PDS5B: variants seen among roughly 807,000 people sequenced by gnomAD.
The protein encoded by PDS5B is PDS5 cohesin associated factor B.
A neutral mutation model predicts 184.1 loss-of-function variants in PDS5B; 51 were observed. The ratio of observed to expected loss-of-function variants is 0.28; its 90% confidence interval spans 0.22 to 0.35. The LOEUF is 0.35. Ranked by LOEUF, PDS5B falls within the 10% of genes least tolerant of loss-of-function variation. The probability of loss-of-function intolerance (pLI) is 1.00; values close to 1 mark genes in which losing one functional copy is unlikely to be tolerated. For synonymous variants in PDS5B, 566 were observed against 569.2 expected (o/e 0.99, Z 0.08); for missense variants, 1,180 against 1,723.3 (o/e 0.68, Z 5.58).
intron 19 of PDS5B, among the ~76,000 whole-genome samples, chr13:32,713,085 T>G (rs1469642486): frequency 6.6e-6 from 1 of 152,152 alleles, no homozygotes; most frequent in East Asian, 1.9e-4. Context: ...ATAGCTCAAG[T>G]GACTGGTTCT....
At chr13:32,674,287 T>C (rs899576373) in intron 8 of PDS5B, among the ~76,000 whole-genome samples, 5 of 152,342 alleles carry the variant, frequency 3.3e-5, no homozygotes, top group Non-Finnish European at 5.9e-5. Context: ...ATGATGTTTG[T>C]GTCTAAAATT....
intron 19 of PDS5B, among the ~76,000 whole-genome samples, chr13:32,730,265 A>G (rs994474356): frequency 6.6e-6 from 1 of 151,798 alleles, no homozygotes; most frequent in Non-Finnish European, 1.5e-5. Flanking sequence ...TAGATGTGTA[A>G]TGTTATTTCT....
chr13:32,659,591 C>A (rs1205904830), intron 6 of PDS5B, among the ~76,000 whole-genome samples: 1 of 151,962 alleles, frequency 6.6e-6, no homozygotes, highest in African/African-American at 2.4e-5. Flanking sequence ...GAAGATGGAA[C>A]CAAGTAGGGC....
chr13:32,646,723 A>AT (rs890672970), intron 1 of PDS5B, among the ~76,000 whole-genome samples: 1 of 152,036 alleles, frequency 6.6e-6, no homozygotes, highest in African/African-American at 2.4e-5. Context: ...TTTTAACCTG[A>AT]TTGTGTATAT....
chr13:32,760,963 C>T (rs1954374597), intron 30 of PDS5B, among the ~76,000 whole-genome samples: 1 of 152,100 alleles, frequency 6.6e-6, no homozygotes, highest in Non-Finnish European at 1.5e-5. Flanking sequence ...TACACATAAA[C>T]TAGTTTCCAA....
At chr13:32,633,082 A>C (rs924248612) in intron 1 of PDS5B, among the ~76,000 whole-genome samples, 5 of 152,238 alleles carry the variant, frequency 3.3e-5, no homozygotes, top group African/African-American at 1.2e-4. Flanking sequence ...AAATACTGTG[A>C]TTCTACTTAC....
At chr13:32,737,233 A>G (rs1280926675) in intron 21 of PDS5B, among the ~76,000 whole-genome samples, 5 of 152,120 alleles carry the variant, frequency 3.3e-5, no homozygotes, top group Non-Finnish European at 7.4e-5. Flanking sequence ...TCAGGCAGTT[A>G]AGCTATCGTC....
In PDS5B at chr13:32,687,094, A is replaced by C. The variant is rs1188066158; in HGVS notation, c.1204-40A>C. ...AGACTTTCCTTAATTTATATAATGG[A>C]AGCCTTTTTACATTATAAATAAAAC... On this transcript the variant is annotated intron_variant, in intron 11 of 34. Coordinates refer to ENST00000315596, the MANE Select transcript of PDS5B (RefSeq NM_015032.4). The C allele has an allele frequency of 4.7e-6, 7 of 1,496,626 alleles. No homozygotes were observed. In the East Asian group the frequency reaches 1.4e-4, roughly 30 times the overall value. The allele number at this position is 1,496,626 out of a possible 1,614,324, so 92.7% of individuals were successfully genotyped here.
chr13:32,726,980 T>G (rs2140939741), intron 19 of PDS5B, among the ~76,000 whole-genome samples: 1 of 152,322 alleles, frequency 6.6e-6, no homozygotes, highest in African/African-American at 2.4e-5. Context: ...TGTTGTTTTT[T>G]GTTTCCTTGT....
chr13:32,763,976 C>T (rs1954499190), intron 30 of PDS5B, among the ~76,000 whole-genome samples: 1 of 152,038 alleles, frequency 6.6e-6, no homozygotes, highest in Non-Finnish European at 1.5e-5. Context: ...ATATGAATGC[C>T]AACTCTATGC....
Position 32,683,948 on chromosome 13 carries a change from A to G in PDS5B, c.1128A>G (p.Thr376=). ...IRHDVIVSIV[T]AAKKDILLVN... ...ATGATGTTATTGTGTCAATAGTTAC[A>G]GCTGCTAAAAAGGATATTCTTCTGG... Residue 376 remains threonine, a synonymous_variant, in exon 11 of 35, where the codon ACA becomes ACG. Coordinates refer to ENST00000315596, the MANE Select transcript of PDS5B (RefSeq NM_015032.4). 6.3e-7 allele frequency: 1 copy of G among 1,594,020 alleles called. No homozygotes were observed. The highest frequency in any genetic ancestry group is 8.6e-7 in the Non-Finnish European group (1 of 1,162,828).
intron 1 of PDS5B, among the ~76,000 whole-genome samples, chr13:32,597,597 CG>C (rs2057897574): frequency 7.0e-6 from 1 of 143,474 alleles, no homozygotes; most frequent in Non-Finnish European, 1.5e-5. Context: ...AGGCTGAGGC[CG>C]AGGGGGGGGC....
chr13:32,759,002 G>A (rs1181408687), intron 28 of PDS5B, among the ~76,000 whole-genome samples: 1 of 152,028 alleles, frequency 6.6e-6, no homozygotes, highest in Non-Finnish European at 1.5e-5. Flanking sequence ...ATTGGTATGA[G>A]GAAACAAGCA....
chr13:32,723,966 A>C (rs1024924492), intron 19 of PDS5B, among the ~76,000 whole-genome samples: 1 of 152,220 alleles, frequency 6.6e-6, no homozygotes, highest in Non-Finnish European at 1.5e-5. Context: ...ACTTACAGCC[A>C]GCTTTATTTT....
chr13:32,728,281 T>C (rs1000968379), intron 19 of PDS5B, among the ~76,000 whole-genome samples: 3 of 152,180 alleles, frequency 2.0e-5, no homozygotes, highest in Non-Finnish European at 4.4e-5. Context: ...ATTCTATCAC[T>C]TATGTCATTT....
chr13:32,770,617 T>G (rs774931350), intron 32 of PDS5B, 37 bp from the exon 33 acceptor site: 1 of 1,601,508 alleles, frequency 6.2e-7, no homozygotes, highest in South Asian at 1.1e-5. Context: ...TAAATCATAA[T>G]TTGATGCTAT....
chr13:32,659,107 C>A, intron 5 of PDS5B, 47 bp from the exon 6 acceptor site: 1 of 1,429,488 alleles, frequency 7.0e-7, no homozygotes, highest in Non-Finnish European at 9.4e-7. Context: ...AGAGTAAATC[C>A]TGTATATCTC....
chr13:32,605,870 T>C (rs2058052321), intron 1 of PDS5B, among the ~76,000 whole-genome samples: 1 of 151,876 alleles, frequency 6.6e-6, no homozygotes. Context: ...AAGTCTGTTA[T>C]CAGAGACTAG....
At chr13:32,594,347 A>G (rs2057823623) in intron 1 of PDS5B, among the ~76,000 whole-genome samples, 1 of 152,236 alleles carries the variant, frequency 6.6e-6, no homozygotes, top group South Asian at 2.1e-4. Context: ...GGATGTTTGC[A>G]TACTTCCATA....
Sources: allele counts gnomAD v4.1 joint callset (sites outside exome capture counted in the v4.1 genomes callset), GRCh38; gene constraint gnomAD v4.1.1; transcripts MANE v1.5; gene names NCBI Gene and HGNC (gene_info 2026-07-23, HGNC 2026-07-21).